The following NR6A1 variants were observed in gnomAD, a reference collection of about 807,000 sequenced individuals.
NR6A1 encodes nuclear receptor subfamily 6 group A member 1.
Under a neutral mutation model 59.1 loss-of-function variants are expected in NR6A1, and 7 were observed. The observed-to-expected ratio is 0.12, with a 90% CI of 0.07 to 0.22. The LOEUF is 0.22. NR6A1 is among the 10% of genes least tolerant of loss of function. The probability of loss-of-function intolerance (pLI) is 1.00; values close to 1 mark genes in which losing one functional copy is unlikely to be tolerated. For synonymous variants in NR6A1, 243 were observed against 236.1 expected (o/e 1.03, Z -0.27); for missense variants, 468 against 611.6 (o/e 0.77, Z 2.48).
At chr9:124,571,821 T>TC (rs1176321718) in intron 2 of NR6A1, among the ~76,000 whole-genome samples, 1 of 152,124 alleles carries the variant, frequency 6.6e-6, no homozygotes, top group Non-Finnish European at 1.5e-5. Flanking sequence ...TCCCAACTCT[T>TC]CCATGTTTCT....
chr9:124,552,480 T>C (rs1405014454), intron 3 of NR6A1, among the ~76,000 whole-genome samples: 4 of 152,198 alleles, frequency 2.6e-5, no homozygotes, highest in Non-Finnish European at 4.4e-5. Context: ...ACACTTCAAA[T>C]GTCCTACTAT....
chr9:124,544,952 C>G (rs1310350777), intron 3 of NR6A1, among the ~76,000 whole-genome samples: 2 of 152,136 alleles, frequency 1.3e-5, no homozygotes, highest in Non-Finnish European at 2.9e-5. Flanking sequence ...AGAAGATAAG[C>G]TAATGACATT....
At chr9:124,706,761 C>T (rs1462216345) in intron 2 of NR6A1, among the ~76,000 whole-genome samples, 1 of 152,034 alleles carries the variant, frequency 6.6e-6, no homozygotes, top group African/African-American at 2.4e-5. Context: ...CGTGATCCAC[C>T]CACCTCAGCC....
rs867176440 is a variant in NR6A1, at chr9:124,585,560, G to A, written c.143-30990C>T. Among the ~76,000 whole-genome samples, 45 of 95,864 alleles carry A rather than the reference G, an allele frequency of 4.7e-4. No individual in the cohort carries two copies. In the South Asian group the frequency reaches 0.014, roughly 31 times the overall value. 62.9% of individuals were successfully genotyped at this position (95,864 alleles called of 152,430 possible). The stretch of plus-strand genomic sequence containing the variant: ...CTCCATCTCAAAAAAAAAAAAAAAG[G>A]GGGGGGGGGGCAAGGTGAAGCAGCA... On this transcript the variant is annotated intron_variant, in intron 2 of 9. Coordinates refer to ENST00000487099, the MANE Select transcript of NR6A1 (RefSeq NM_033334.4).
intron 2 of NR6A1, among the ~76,000 whole-genome samples, chr9:124,636,713 G>A (rs564070938): frequency 2.0e-5 from 3 of 152,160 alleles, no homozygotes; most frequent in African/African-American, 7.2e-5. Flanking sequence ...CTATGTCAAA[G>A]ATCAGTTGAC....
chr9:124,542,988 A>C (rs1833494456), intron 4 of NR6A1, among the ~76,000 whole-genome samples: 1 of 152,210 alleles, frequency 6.6e-6, no homozygotes, highest in South Asian at 2.1e-4. Context: ...GGGTAAGAAC[A>C]AGTGGTGCAG....
chr9:124,718,156 C>A (rs1262270436), intron 2 of NR6A1, among the ~76,000 whole-genome samples: 1 of 152,220 alleles, frequency 6.6e-6, no homozygotes, highest in Non-Finnish European at 1.5e-5. Context: ...AGGATGCTAA[C>A]TTTCACTCAT....
chr9:124,689,105 G>A (rs1284469148), intron 2 of NR6A1, among the ~76,000 whole-genome samples: 1 of 152,082 alleles, frequency 6.6e-6, no homozygotes, highest in East Asian at 1.9e-4. Context: ...AAAAGAACAG[G>A]TTTTTTATTA....
chr9:124,637,522 A>G lies in NR6A1; in HGVS notation c.143-82952T>C, dbSNP rs377612272. Among the ~76,000 whole-genome samples the G allele has an allele frequency of 5.9e-5, 9 of 152,338 alleles. No individual in the cohort carries two copies. The East Asian group carries it at 1.7e-3, about 29-fold the overall frequency. On this transcript the variant is annotated intron_variant, in intron 2 of 9. Coordinates refer to ENST00000487099, the MANE Select transcript of NR6A1 (RefSeq NM_033334.4). The stretch of plus-strand genomic sequence containing the variant: ...TTTCTCCTCATTGTACATGCAAGAA[A>G]AAAAGACTCAAGAGAGGTTAGGTAA...
chr9:124,521,312 G>A lies in NR6A1; in HGVS notation c.*1393C>T, dbSNP rs999464883. 2 of 152,514 alleles carry A rather than the reference G, an allele frequency of 1.3e-5. No individual in the cohort carries two copies. The highest frequency in any genetic ancestry group is 2.9e-5 in the Non-Finnish European group (2 of 68,262). The allele number at this position is 152,514 out of a possible 1,614,324, so 9.4% of individuals were successfully genotyped here. On this transcript the variant is annotated 3_prime_UTR_variant, in exon 10 of 10. Transcript: ENST00000487099. Reference sequence around the variant, plus strand: ...TCAAGGAGTCCAGGCCATGTCTGCAGAGGTAGCAGCCGGGCCATTAGGAAC... The same window carrying A: ...TCAAGGAGTCCAGGCCATGTCTGCAAAGGTAGCAGCCGGGCCATTAGGAAC...
chr9:124,736,051 CA>C (rs1444472593), intron 1 of NR6A1, among the ~76,000 whole-genome samples: 1 of 152,152 alleles, frequency 6.6e-6, no homozygotes, highest in Non-Finnish European at 1.5e-5. Context: ...TGTTGAACAT[CA>C]TGCCAGAAGT....
At chr9:124,552,188 G>C (rs939608433) in intron 3 of NR6A1, among the ~76,000 whole-genome samples, 6 of 152,202 alleles carry the variant, frequency 3.9e-5, no homozygotes, top group African/African-American at 1.4e-4. Flanking sequence ...TAATAACTAA[G>C]CTTTCATAAG....
chr9:124,610,399 C>G (rs1835704321), intron 2 of NR6A1, among the ~76,000 whole-genome samples: 1 of 152,084 alleles, frequency 6.6e-6, no homozygotes, highest in South Asian at 2.1e-4. Context: ...TGATGAATTA[C>G]GTTTATTGAT....
At chr9:124,645,834 T>C (rs1190512025) in intron 2 of NR6A1, among the ~76,000 whole-genome samples, 2 of 152,170 alleles carry the variant, frequency 1.3e-5, no homozygotes, top group Non-Finnish European at 2.9e-5. Flanking sequence ...TCTTCTCAAG[T>C]TGACATGAAA....
intron 9 of NR6A1, among the ~76,000 whole-genome samples, chr9:124,523,643 T>TAATTA: frequency 6.6e-6 from 1 of 152,258 alleles, no homozygotes; most frequent in South Asian, 2.1e-4. Context: ...GCCTGCTTAA[T>TAATTA]ATCTCATGTG....
rs187016448 is a variant in NR6A1, at chr9:124,740,416, G to A, written c.101-7067C>T. Among the ~76,000 whole-genome samples, 268 of 152,252 alleles carry A rather than the reference G, an allele frequency of 1.8e-3. 1 individual carries two copies. The highest frequency in any genetic ancestry group is 3.4e-3 in the Admixed American group (52 of 15,290). ...ATGTTTTAATTAAATATGAGATAAC[G>A]TTATTTCACTTAGTCAATTGCAATT... On this transcript the variant is annotated intron_variant, in intron 1 of 9. Transcript: ENST00000487099.
At chr9:124,747,548 T>A (rs1431099738) in intron 1 of NR6A1, among the ~76,000 whole-genome samples, 3 of 152,206 alleles carry the variant, frequency 2.0e-5, no homozygotes, top group Non-Finnish European at 4.4e-5. Context: ...CAGACCCATC[T>A]ATCCAAATGT....
At chr9:124,566,990 C>T (rs1175218188) in intron 2 of NR6A1, among the ~76,000 whole-genome samples, 1 of 150,926 alleles carries the variant, frequency 6.6e-6, no homozygotes, top group Non-Finnish European at 1.5e-5. Context: ...CGCCTGTAGT[C>T]CCAGCTACTT....
intron 2 of NR6A1, 67 bp from the exon 3 acceptor site, chr9:124,554,637 A>G (rs1255910284): frequency 2.5e-6 from 4 of 1,600,876 alleles, no homozygotes; most frequent in Non-Finnish European, 3.4e-6. Flanking sequence ...TAAAGTGAGC[A>G]ACTCTGCTCT....
Sources: allele counts gnomAD v4.1 joint callset (sites outside exome capture counted in the v4.1 genomes callset), GRCh38; gene constraint gnomAD v4.1.1; transcripts MANE v1.5; gene names NCBI Gene and HGNC (gene_info 2026-07-23, HGNC 2026-07-21).